TLL1: variants seen among roughly 807,000 people sequenced by gnomAD.
TLL1 encodes the protein tolloid like 1.
Under a neutral mutation model 128.2 loss-of-function variants are expected in TLL1, and 49 were observed. That is an observed-to-expected ratio of 0.38 (90% CI 0.30 to 0.48). TLL1 has a LOEUF of 0.48. TLL1 is among the 20% of genes least tolerant of loss of function. The pLI, the probability that TLL1 is intolerant of heterozygous loss-of-function variation, is 0.96. For missense variants in TLL1, 1,123 were observed against 1,242.0 expected (o/e 0.90, Z 1.44); for synonymous variants, 454 against 418.8 (o/e 1.08, Z -1.03).
rs1730583792 is a variant in TLL1, at chr4:165,873,523, G to T, written c.-382G>T. The T allele has an allele frequency of 1.3e-5, 2 of 157,608 alleles. No individual in the cohort carries two copies. Among genetic ancestry groups the T allele is most frequent in the Admixed American group, 6.5e-5 (1 of 15,336 alleles). 9.8% of individuals were successfully genotyped at this position (157,608 alleles called of 1,614,324 possible). Reference sequence around the variant, plus strand: ...CCGAGCTCTGGTGGCAGCTGAGCCCGCGGGGCGCCGCTCGCCGAGCCGCGG... The same window carrying T: ...CCGAGCTCTGGTGGCAGCTGAGCCCTCGGGGCGCCGCTCGCCGAGCCGCGG... On this transcript the variant is annotated 5_prime_UTR_variant, in exon 1 of 21. Transcript: ENST00000061240.
At chr4:166,050,395 T>C (rs1739656142) in intron 12 of TLL1, among the ~76,000 whole-genome samples, 2 of 152,214 alleles carry the variant, frequency 1.3e-5, no homozygotes, top group Admixed American at 6.6e-5. Flanking sequence ...AAAATGCTGC[T>C]ATGAACGTAA....
At chr4:165,928,422 G>A (rs1733367321) in intron 1 of TLL1, among the ~76,000 whole-genome samples, 1 of 152,186 alleles carries the variant, frequency 6.6e-6, no homozygotes, top group East Asian at 1.9e-4. Context: ...GGAGAGTTGG[G>A]TAAGTCCTCT....
At position 165,951,343 on chromosome 4, in the gene TLL1, T is replaced by C. The variant is rs1734505933; in HGVS notation, c.170-38038T>C. Among the ~76,000 whole-genome samples, 3 of 152,238 alleles carry C rather than the reference T, an allele frequency of 2.0e-5. 1 individual carries two copies. In the South Asian group the frequency reaches 6.2e-4, roughly 32 times the overall value. ...AGAAAAATAGTGGCCAGATGATGTC[T>C]GGGCAGTCTGTGGTGTAGTGCTGAA... is the stretch of plus-strand genomic sequence containing the variant. On this transcript the variant is annotated intron_variant, in intron 1 of 20. Transcript: ENST00000061240.
chr4:165,921,437 G>A (rs1272006790), intron 1 of TLL1, among the ~76,000 whole-genome samples: 2 of 152,154 alleles, frequency 1.3e-5, no homozygotes, highest in Non-Finnish European at 2.9e-5. Context: ...GAATCAAACT[G>A]TTTTTATTAG....
chr4:166,059,147 A>G (rs1740166983), intron 14 of TLL1, among the ~76,000 whole-genome samples: 1 of 84,630 alleles, frequency 1.2e-5, no homozygotes, highest in African/African-American at 1.1e-4. Context: ...AGAAAGTGGT[A>G]AAAGTAACTA....
At chr4:165,876,301 A>C (rs1339528991) in intron 1 of TLL1, among the ~76,000 whole-genome samples, 1 of 151,936 alleles carries the variant, frequency 6.6e-6, no homozygotes, top group Non-Finnish European at 1.5e-5. Context: ...ATAACAGAAA[A>C]AAAATGAAAT....
chr4:166,060,327 A>C, intron 15 of TLL1, 139 bp downstream of exon 15: 1 of 928,502 alleles, frequency 1.1e-6, no homozygotes, highest in South Asian at 1.6e-5. Context: ...TCATTTCTGC[A>C]ACTGCTTATG....
At chr4:165,935,474 CAGAT>C (rs1187438582) in intron 1 of TLL1, among the ~76,000 whole-genome samples, 17 of 152,110 alleles carry the variant, frequency 1.1e-4, no homozygotes, top group Non-Finnish European at 4.4e-5. Context: ...TTATAAAACT[CAGAT>C]GGAGGAAAAC....
chr4:165,979,409 AAAAG>A (rs1475364054), intron 1 of TLL1, among the ~76,000 whole-genome samples: 1 of 152,092 alleles, frequency 6.6e-6, no homozygotes, highest in African/African-American at 2.4e-5. Context: ...ATACAGATGA[AAAAG>A]AAAACAGTTT....
intron 8 of TLL1, among the ~76,000 whole-genome samples, chr4:166,023,339 G>T (rs1738331798): frequency 6.6e-6 from 1 of 152,180 alleles, no homozygotes; most frequent in African/African-American, 2.4e-5. Context: ...GGTGGAGGTT[G>T]CAGTGAGTTG....
chr4:165,905,760 C>A (rs1732219464), intron 1 of TLL1, among the ~76,000 whole-genome samples: 1 of 152,142 alleles, frequency 6.6e-6, no homozygotes, highest in East Asian at 1.9e-4. Context: ...AATGTTGGAA[C>A]TGGTTAGGAT....
At chr4:165,944,263 A>G (rs1734143639) in intron 1 of TLL1, among the ~76,000 whole-genome samples, 1 of 152,172 alleles carries the variant, frequency 6.6e-6, no homozygotes, top group African/African-American at 2.4e-5. Flanking sequence ...CCTGGAATTT[A>G]TCTGTATTTT....
chr4:166,093,949 A>C lies in TLL1; in HGVS notation c.2656+2608A>C, dbSNP rs535233518. Among the ~76,000 whole-genome samples the C allele has an allele frequency of 1.2e-3, 186 of 152,270 alleles. 1 individual carries two copies. The highest frequency in any genetic ancestry group is 3.9e-3 in the African/African-American group (161 of 41,568). Reference sequence around the variant, plus strand: ...AGATGGGGCAAAGTGGCTGGGGCAAAGTGGCTGGGGCAAAGTTACAAATTA... The same window carrying C: ...AGATGGGGCAAAGTGGCTGGGGCAACGTGGCTGGGGCAAAGTTACAAATTA... On this transcript the variant is annotated intron_variant, in intron 19 of 20. Coordinates refer to ENST00000061240, the MANE Select transcript of TLL1 (RefSeq NM_012464.5).
intron 18 of TLL1, among the ~76,000 whole-genome samples, chr4:166,090,879 A>G (rs1219409912): frequency 1.3e-5 from 2 of 152,052 alleles, no homozygotes; most frequent in African/African-American, 2.4e-5. Flanking sequence ...ATTGAATTGC[A>G]ATAGTAGAAT....
At chr4:165,983,524 C>A (rs77934808) in intron 1 of TLL1, among the ~76,000 whole-genome samples, 2,820 of 151,734 alleles carry the variant, frequency 0.019, 177 homozygotes, top group Admixed American at 0.12. Flanking sequence ...CATATTCTGG[C>A]GGAAGAGTCC....
intron 19 of TLL1, among the ~76,000 whole-genome samples, chr4:166,093,396 A>G (rs1034448525): frequency 1.3e-5 from 2 of 152,212 alleles, no homozygotes; most frequent in African/African-American, 2.4e-5. Context: ...CACATAGGCC[A>G]GATTTATGTT....
chr4:166,044,078 G>GGAAT (rs1739356149), intron 12 of TLL1, among the ~76,000 whole-genome samples: 1 of 152,068 alleles, frequency 6.6e-6, no homozygotes, highest in South Asian at 2.1e-4. Flanking sequence ...AAGAAATAGA[G>GGAAT]GAATTTCTCA....
chr4:166,065,849 C>A lies in TLL1; in HGVS notation c.2174C>A (p.Ala725Glu). Residue 725 changes from alanine to glutamate, a missense_variant, in exon 16 of 21, where the codon GCA becomes GAA. This residue lies in a region of TLL1 where 634 missense variants were observed against 672.4 expected (regional missense o/e 0.94). Coordinates refer to ENST00000061240, the MANE Select transcript of TLL1 (RefSeq NM_012464.5). Reference protein sequence around the residue: ...DNTVSKKGFKAHFFSDKDECS... With the variant: ...DNTVSKKGFKEHFFSDKDECS... Reference sequence around the variant, plus strand: ...ACTGTATCCAAGAAGGGCTTCAAAGCACATTTTTTCTCAGGTATAAGCATT... The same window carrying A: ...ACTGTATCCAAGAAGGGCTTCAAAGAACATTTTTTCTCAGGTATAAGCATT... The A allele has an allele frequency of 6.2e-7, 1 of 1,612,586 alleles. No individual in the cohort carries two copies. The highest frequency in any genetic ancestry group is 8.5e-7 in the Non-Finnish European group (1 of 1,179,026).
At chr4:166,067,196 A>G (rs1740612593) in intron 16 of TLL1, among the ~76,000 whole-genome samples, 1 of 151,744 alleles carries the variant, frequency 6.6e-6, no homozygotes, top group East Asian at 1.9e-4. Context: ...TGATTTTTAA[A>G]AAGAAAGTGT....
Sources: allele counts gnomAD v4.1 joint callset (sites outside exome capture counted in the v4.1 genomes callset), GRCh38; gene constraint gnomAD v4.1.1; regional missense constraint gnomAD v4.1.1; transcripts MANE v1.5; gene names NCBI Gene and HGNC (gene_info 2026-07-23, HGNC 2026-07-21).